The following TTLL11 variants were observed in gnomAD, a reference collection of about 807,000 sequenced individuals.
The protein encoded by TTLL11 is tubulin tyrosine ligase like 11.
In TTLL11, 42 loss-of-function variants were observed where a neutral mutation model predicts 51.7. That is an observed-to-expected ratio of 0.81 (90% CI 0.64 to 1.05). TTLL11 has a LOEUF of 1.05. TTLL11 is among the 50% of genes least tolerant of loss of function. The probability of loss-of-function intolerance (pLI) is 0.00; values close to 1 mark genes in which losing one functional copy is unlikely to be tolerated. For synonymous variants in TTLL11, 381 were observed against 383.5 expected (o/e 0.99, Z 0.08); for missense variants, 799 against 940.4 (o/e 0.85, Z 1.97).
At chr9:122,051,876 C>T (rs1422316788) in intron 1 of TTLL11, among the ~76,000 whole-genome samples, 6 of 152,110 alleles carry the variant, frequency 3.9e-5, no homozygotes, top group Non-Finnish European at 7.4e-5. Flanking sequence ...CCTGTGGCTA[C>T]GCTCAACAGA....
Position 122,005,598 on chromosome 9 carries a change from G to C in TTLL11, c.694-15828C>G, listed in dbSNP as rs560207268. Among the ~76,000 whole-genome samples the C allele has an allele frequency of 1.2e-4, 18 of 152,342 alleles. No homozygotes were observed. The South Asian group carries it at 2.3e-3, about 19-fold the overall frequency. ...CTCAGGCCACTTCCCCAGCCAGGCAGGGAGACAGACCAGGTCCATTCTGAT... is the reference window on the plus strand; with the variant it reads ...CTCAGGCCACTTCCCCAGCCAGGCACGGAGACAGACCAGGTCCATTCTGAT... On this transcript the variant is annotated intron_variant, in intron 3 of 8. Coordinates refer to ENST00000321582, the MANE Select transcript of TTLL11 (RefSeq NM_001139442.2).
intron 1 of TTLL11, among the ~76,000 whole-genome samples, chr9:122,052,647 TC>T (rs1845193354): frequency 6.6e-6 from 1 of 152,208 alleles, no homozygotes; most frequent in African/African-American, 2.4e-5. Flanking sequence ...CATCCATCTT[TC>T]TGTTACCCAA....
chr9:121,831,699 C>CAAAAAAAAAAAAAA (rs35519622), intron 8 of TTLL11, among the ~76,000 whole-genome samples: 6 of 133,430 alleles, frequency 4.5e-5, no homozygotes, highest in African/African-American at 1.4e-4. Flanking sequence ...GACTCTGTCT[C>CAAAAAAAAAAAAAA]AAAAAAAAAA....
intron 1 of TTLL11, among the ~76,000 whole-genome samples, chr9:122,079,708 C>CAA (rs150125190): frequency 2.1e-4 from 25 of 120,500 alleles, no homozygotes; most frequent in African/African-American, 5.7e-4. Context: ...GACTCTGTCT[C>CAA]AAAAAAAAAA....
intron 6 of TTLL11, among the ~76,000 whole-genome samples, chr9:121,956,633 G>T (rs1842026594): frequency 6.6e-6 from 1 of 152,236 alleles, no homozygotes. Flanking sequence ...TAGTAGGTAT[G>T]AAGGGCTGCT....
chr9:122,009,419 ACT>A (rs1376829116), intron 3 of TTLL11, among the ~76,000 whole-genome samples: 5 of 151,928 alleles, frequency 3.3e-5, no homozygotes, highest in African/African-American at 4.8e-5. Context: ...ATATCTACTC[ACT>A]GTTAACTTCA....
intron 6 of TTLL11, among the ~76,000 whole-genome samples, chr9:121,941,251 A>C (rs1588142046): frequency 6.6e-6 from 1 of 152,224 alleles, no homozygotes; most frequent in African/African-American, 2.4e-5. Context: ...GTACTGCAAA[A>C]TGCCTTTTGC....
chr9:121,861,169 C>A (rs1322678049), intron 7 of TTLL11, among the ~76,000 whole-genome samples: 2 of 151,274 alleles, frequency 1.3e-5, no homozygotes, highest in Admixed American at 6.6e-5. Flanking sequence ...CTCACTGCAA[C>A]CTCTGCCTCC....
At chr9:122,046,332 G>A (rs1222188493) in intron 1 of TTLL11, among the ~76,000 whole-genome samples, 1 of 152,040 alleles carries the variant, frequency 6.6e-6, no homozygotes, top group Non-Finnish European at 1.5e-5. Flanking sequence ...CCTCCTTCCT[G>A]TTTGCCTTCT....
intron 8 of TTLL11, among the ~76,000 whole-genome samples, chr9:121,832,472 C>A (rs1306873505): frequency 2.0e-5 from 3 of 152,054 alleles, no homozygotes; most frequent in African/African-American, 7.3e-5. Context: ...TGTAGAAGGC[C>A]CTGGATTGTG....
At position 121,988,162 on chromosome 9, in the gene TTLL11, TCTATCCCCC is replaced by T. The variant is rs367770259; in HGVS notation, c.1269+1024_1269+1032del. On this transcript the variant is annotated intron_variant, in intron 4 of 8. Coordinates refer to ENST00000321582, the MANE Select transcript of TTLL11 (RefSeq NM_001139442.2). Reference sequence around the variant, plus strand: ...GCTCCTTCCCTGGCACCCAGATCTGTCTATCCCCCCTACCTTCACCACAACCTTCCCAGT... The same window carrying T: ...GCTCCTTCCCTGGCACCCAGATCTGTCTACCTTCACCACAACCTTCCCAGT... Among the ~76,000 whole-genome samples, 457 of 152,082 alleles carry T rather than the reference TCTATCCCCC, an allele frequency of 3.0e-3. 6 individuals are homozygous for T. The highest frequency in any genetic ancestry group is 0.011 in the African/African-American group (442 of 41,488).
chr9:121,826,512 T>C (rs1310970448), intron 8 of TTLL11, among the ~76,000 whole-genome samples: 4 of 39,836 alleles, frequency 1.0e-4, no homozygotes, highest in African/African-American at 4.4e-4. Context: ...TATATATATA[T>C]ATGTATATAT....
chr9:121,868,044 C>T (rs1336818589), intron 7 of TTLL11, among the ~76,000 whole-genome samples: 1 of 152,130 alleles, frequency 6.6e-6, no homozygotes, highest in African/African-American at 2.4e-5. Flanking sequence ...CAAGCCATTC[C>T]TTCATGTTCT....
intron 6 of TTLL11, among the ~76,000 whole-genome samples, chr9:121,895,460 T>C (rs1385654237): frequency 6.6e-6 from 1 of 151,216 alleles, no homozygotes; most frequent in African/African-American, 2.4e-5. Context: ...TGTGGTTGTG[T>C]AAATGTGTGG....
In TTLL11 at chr9:121,899,374, T is replaced by TAC. The variant is rs1554766930; in HGVS notation, c.1482-28627_1482-28626insGT. Reference sequence around the variant, plus strand: ...GTGTGTATGTGTGTGTGTATATATATATACATATATATATATATATATATA... The same window carrying TAC: ...GTGTGTATGTGTGTGTGTATATATATACATACATATATATATATATATATATA... On this transcript the variant is annotated intron_variant, in intron 6 of 8. Transcript: ENST00000321582. Among the ~76,000 whole-genome samples, 157 of 94,184 alleles carry TAC rather than the reference T, an allele frequency of 1.7e-3. 1 individual carries two copies. Among genetic ancestry groups the TAC allele is most frequent in the African/African-American group, 5.6e-3 (149 of 26,590 alleles). The allele number at this position is 94,184 out of a possible 152,430, so 61.8% of individuals were successfully genotyped here. A position where few individuals can be genotyped will look rare whatever the true frequency, so the allele number is the denominator to read the frequency against.
At chr9:121,838,108 C>A (rs1480912425) in intron 8 of TTLL11, among the ~76,000 whole-genome samples, 1 of 152,206 alleles carries the variant, frequency 6.6e-6, no homozygotes, top group East Asian at 1.9e-4. Context: ...TTTTTTGCCA[C>A]TGGGATATCG....
rs3923146 is a variant in TTLL11, at chr9:121,820,169, A to G, written c.*2418T>C. ...TCACCAGGAGAGCTGATGTTTTCATATCACCCCAAACAAGGTGGCTGGAAT... is the reference window on the plus strand; with the variant it reads ...TCACCAGGAGAGCTGATGTTTTCATGTCACCCCAAACAAGGTGGCTGGAAT... On this transcript the variant is annotated 3_prime_UTR_variant, in exon 9 of 9. Transcript: ENST00000321582. 0.02 allele frequency among the ~76,000 whole-genome samples: 3,066 copies of G among 152,354 alleles called. 98 individuals carry two copies. The highest frequency in any genetic ancestry group is 0.063 in the African/African-American group (2,634 of 41,582).
chr9:121,955,145 G>A (rs567796465), intron 6 of TTLL11, among the ~76,000 whole-genome samples: 1 of 152,178 alleles, frequency 6.6e-6, no homozygotes, highest in East Asian at 1.9e-4. Flanking sequence ...TTTGCATCAG[G>A]GATAATCTTA....
At chr9:122,071,168 G>A (rs918895137) in intron 1 of TTLL11, among the ~76,000 whole-genome samples, 1 of 152,158 alleles carries the variant, frequency 6.6e-6, no homozygotes, top group Admixed American at 6.5e-5. Flanking sequence ...TTCCCCTTAG[G>A]AGAGGGCGTG....
Sources: allele counts gnomAD v4.1 joint callset (sites outside exome capture counted in the v4.1 genomes callset), GRCh38; gene constraint gnomAD v4.1.1; transcripts MANE v1.5; gene names NCBI Gene and HGNC (gene_info 2026-07-23, HGNC 2026-07-21).